NTRK2: variants seen among roughly 807,000 people sequenced by gnomAD.
The protein encoded by NTRK2 is neurotrophic receptor tyrosine kinase 2.
A neutral mutation model predicts 94.5 loss-of-function variants in NTRK2; 13 were observed. That is an observed-to-expected ratio of 0.14 (90% confidence interval 0.09 to 0.22). The LOEUF (loss-of-function observed/expected upper bound fraction) is 0.22, where lower values mean the gene tolerates loss of function less well. NTRK2 is among the 10% of genes least tolerant of loss of function. The pLI is 1.00. For synonymous variants in NTRK2, 372 were observed against 407.4 expected, an observed-to-expected ratio of 0.91 and a Z score of 1.05; for missense variants, 639 against 1,071.2, an observed-to-expected ratio of 0.60 and a Z score of 5.63.
intron 12 of NTRK2, among the ~76,000 whole-genome samples, chr9:84,778,028 G>T (rs922765855): frequency 2.0e-5 from 3 of 152,176 alleles, no homozygotes; most frequent in Non-Finnish European, 4.4e-5. Flanking sequence ...TTGGGAGGCA[G>T]AAGCGGGTGG....
intron 8 of NTRK2, among the ~76,000 whole-genome samples, chr9:84,725,549 C>A (rs562564711): frequency 1.6e-4 from 25 of 151,570 alleles, no homozygotes; most frequent in Non-Finnish European, 3.1e-4. Context: ...CCACTGTGGT[C>A]CTTGTAGTGG....
chr9:84,888,089 A>G (rs1587831358), intron 14 of NTRK2, among the ~76,000 whole-genome samples: 1 of 152,342 alleles, frequency 6.6e-6, no homozygotes, highest in South Asian at 2.1e-4. Context: ...CCACATAGTT[A>G]ATAATGCAAG....
intron 2 of NTRK2, among the ~76,000 whole-genome samples, chr9:84,685,786 G>T (rs548252583): frequency 4.6e-5 from 7 of 152,048 alleles, no homozygotes; most frequent in Non-Finnish European, 8.8e-5. Flanking sequence ...TCTACACCTG[G>T]TCTATGTCCC....
In NTRK2 at chr9:84,867,350, A is replaced by G. The variant is rs200871730; in HGVS notation, c.1552A>G (p.Ile518Val). 2.5e-6 allele frequency: 4 copies of G among 1,614,090 alleles called. No individual in the cohort carries two copies. Among genetic ancestry groups the G allele is most frequent in the East Asian group, 4.5e-5 (2 of 44,882 alleles). Residue 518 changes from isoleucine to valine, a missense_variant, in exon 14 of 19, where the codon ATT becomes GTT. By Grantham distance (29) the Ile-to-Val change is conservative. Coordinates refer to ENST00000277120, the MANE Select transcript of NTRK2 (RefSeq NM_006180.6). ...SSSEGGPDAV[I>V]IGMTKIPVIE... ...TTCGGAAGGTGGCCCAGATGCTGTC[A>G]TTATTGGAATGACCAAGATCCCTGT...
chr9:84,672,227 T>C (rs2058745070), intron 2 of NTRK2, among the ~76,000 whole-genome samples: 1 of 152,168 alleles, frequency 6.6e-6, no homozygotes, highest in Non-Finnish European at 1.5e-5. Flanking sequence ...ATGCTTATGG[T>C]GTAAGCCTCA....
intron 14 of NTRK2, among the ~76,000 whole-genome samples, chr9:84,920,563 G>T (rs1049388168): frequency 6.6e-6 from 1 of 152,092 alleles, no homozygotes; most frequent in African/African-American, 2.4e-5. Flanking sequence ...TCCACCAAAT[G>T]GGGCAGTCCT....
intron 11 of NTRK2, 124 bp from the exon 12 acceptor site, chr9:84,751,862 C>T (rs1233825721): frequency 2.6e-6 from 2 of 771,984 alleles, no homozygotes; most frequent in Non-Finnish European, 2.3e-6. Flanking sequence ...GTTATAAGAA[C>T]AAGTGGTAAG....
chr9:84,858,340 T>G (rs551517203), intron 12 of NTRK2, among the ~76,000 whole-genome samples: 1 of 152,276 alleles, frequency 6.6e-6, no homozygotes, highest in Admixed American at 6.5e-5. Flanking sequence ...TTTTTTTGTT[T>G]GTTTGTTTGT....
intron 9 of NTRK2, among the ~76,000 whole-genome samples, chr9:84,739,906 A>C (rs148427900): frequency 6.6e-6 from 1 of 152,350 alleles, no homozygotes; most frequent in Non-Finnish European, 1.5e-5. Flanking sequence ...AAAGATTATA[A>C]ATCAAATCAG....
chr9:84,863,991 A>C (rs750900035), intron 13 of NTRK2, among the ~76,000 whole-genome samples: 4 of 152,198 alleles, frequency 2.6e-5, no homozygotes, highest in Non-Finnish European at 4.4e-5. Flanking sequence ...AGGAAAGGAA[A>C]GGGTATCCCT....
intron 12 of NTRK2, among the ~76,000 whole-genome samples, chr9:84,764,021 C>T (rs189530643): frequency 3.9e-4 from 59 of 152,202 alleles, no homozygotes; most frequent in African/African-American, 1.2e-3. Context: ...TTCCTATAAA[C>T]TGGAACTTAT....
At chr9:84,944,893 A>G (rs2078543624) in intron 15 of NTRK2, among the ~76,000 whole-genome samples, 1 of 152,210 alleles carries the variant, frequency 6.6e-6, no homozygotes, top group Admixed American at 6.5e-5. Flanking sequence ...ACCTTGCATC[A>G]TTATCCTTGT....
chr9:84,966,275 T>A (rs1470292632), intron 17 of NTRK2, among the ~76,000 whole-genome samples: 1 of 152,234 alleles, frequency 6.6e-6, no homozygotes, highest in African/African-American at 2.4e-5. Context: ...CACATCTGAA[T>A]ACCCCAGAGT....
intron 12 of NTRK2, among the ~76,000 whole-genome samples, chr9:84,857,641 T>G (rs1372184730): frequency 6.6e-6 from 1 of 152,200 alleles, no homozygotes; most frequent in Non-Finnish European, 1.5e-5. Flanking sequence ...AAGATTGTAT[T>G]CTCTCCTACA....
intron 12 of NTRK2, among the ~76,000 whole-genome samples, chr9:84,830,728 C>T (rs2073491229): frequency 6.6e-6 from 1 of 152,036 alleles, no homozygotes; most frequent in African/African-American, 2.4e-5. Flanking sequence ...TTTGAAATAA[C>T]CATAGAATGG....
intron 12 of NTRK2, chr9:84,811,275 G>GCAAAA (rs899624222): frequency 4.1e-5 from 44 of 1,064,194 alleles, no homozygotes; most frequent in Admixed American, 5.4e-5. Flanking sequence ...TCCTTAGCCA[G>GCAAAA]CAAAACAAAA....
intron 11 of NTRK2, among the ~76,000 whole-genome samples, chr9:84,748,669 A>T (rs1483267199): frequency 1.3e-5 from 2 of 152,166 alleles, no homozygotes; most frequent in East Asian, 3.8e-4. Context: ...AACCTCCCCC[A>T]TCGCAGTTTT....
At chr9:85,019,828 T>C (rs768514829) in intron 17 of NTRK2, among the ~76,000 whole-genome samples, 2 of 152,236 alleles carry the variant, frequency 1.3e-5, no homozygotes, top group Non-Finnish European at 2.9e-5. Context: ...TCATTTTGGA[T>C]GCAGAGTACC....
chr9:84,725,638 CATTATATAT>C (rs1173729707), intron 8 of NTRK2, among the ~76,000 whole-genome samples: 1 of 147,566 alleles, frequency 6.8e-6, no homozygotes, highest in Non-Finnish European at 1.5e-5. Context: ...TATATATGTA[CATTATATAT>C]ATTATATATA....
Sources: gnomAD v4.1 joint callset for allele counts (sites outside exome capture counted in the v4.1 genomes callset) on GRCh38, gnomAD v4.1.1 for gene constraint, MANE v1.5 for transcripts, NCBI Gene and HGNC (gene_info 2026-07-23, HGNC 2026-07-21) for gene names.